The following NAV2 variants were observed in gnomAD, a reference collection of about 807,000 sequenced individuals.
The protein encoded by NAV2 is helicase, APC down-regulated 1.
Under a neutral mutation model 223.2 loss-of-function variants are expected in NAV2, and 54 were observed. The observed-to-expected ratio is 0.24, with a 90% CI of 0.19 to 0.30. The LOEUF (loss-of-function observed/expected upper bound fraction) is 0.30. Ranked by LOEUF, NAV2 falls within the 10% of genes least tolerant of loss-of-function variation. NAV2 has a pLI of 1.00. For synonymous variants in NAV2, 1,279 were observed against 1,239.3 expected (o/e 1.03, Z -0.67); for missense variants, 2,806 against 3,147.5 (o/e 0.89, Z 2.60).
intron 15 of NAV2, among the ~76,000 whole-genome samples, chr11:20,049,464 G>T (rs1480242091): frequency 6.6e-6 from 1 of 151,810 alleles, no homozygotes; most frequent in Non-Finnish European, 1.5e-5. Flanking sequence ...ATGGCATTCA[G>T]CTTTTGAAAT....
upstream of NAV2, among the ~76,000 whole-genome samples, chr11:19,350,519 G>A (rs550320722): frequency 1.1e-4 from 16 of 152,316 alleles, no homozygotes; most frequent in Admixed American, 1.0e-3. Flanking sequence ...GAGGGATGTG[G>A]ATGTTAGCAG....
exon 1 of NAV2, chr11:19,350,820 AG>A (rs1564868469): frequency 2.5e-6 from 2 of 800,624 alleles, no homozygotes; most frequent in Admixed American, 2.1e-5. Flanking sequence ...ACCTTTGAAG[AG>A]GTGGTGCTGA....
intron 1 of NAV2, among the ~76,000 whole-genome samples, chr11:19,595,652 T>C (rs1161527091): frequency 6.6e-6 from 1 of 151,596 alleles, no homozygotes; most frequent in Non-Finnish European, 1.5e-5. Context: ...CCACCCAAGC[T>C]CAAGTGATTC....
At chr11:19,438,967 T>A (rs1851305699) in intron 1 of NAV2, among the ~76,000 whole-genome samples, 1 of 152,054 alleles carries the variant, frequency 6.6e-6, no homozygotes, top group Non-Finnish European at 1.5e-5. Flanking sequence ...ATTAGCTCAA[T>A]CGCCAGCCCC....
chr11:19,986,662 A>G (rs1168816344), intron 11 of NAV2, among the ~76,000 whole-genome samples: 3 of 152,208 alleles, frequency 2.0e-5, no homozygotes, highest in African/African-American at 4.8e-5. Context: ...ATAACTGACA[A>G]AGTTTTAAAG....
rs113739584 is a variant in NAV2, at chr11:20,119,821, GA to G, written c.*1574del. 96 of 142,136 alleles carry G rather than the reference GA, an allele frequency of 6.8e-4. No homozygotes were observed. The highest frequency in any genetic ancestry group is 2.7e-3 in the South Asian group (12 of 4,524). 8.8% of individuals were successfully genotyped at this position (142,136 alleles called of 1,614,324 possible). A position where few individuals can be genotyped will look rare whatever the true frequency, so the allele number is the denominator to read the frequency against. Reference sequence around the variant, plus strand: ...TGTGGATGCGTGACCATGGGAAAAAGAAAAAAAAAAAGATCCATTTTTTAGG... The same window carrying G: ...TGTGGATGCGTGACCATGGGAAAAAGAAAAAAAAAAGATCCATTTTTTAGG... On this transcript the variant is annotated 3_prime_UTR_variant, in exon 38 of 38. Transcript: ENST00000349880.
At chr11:19,538,231 T>A (rs761435078) in intron 1 of NAV2, among the ~76,000 whole-genome samples, 11 of 152,176 alleles carry the variant, frequency 7.2e-5, no homozygotes, top group Admixed American at 2.6e-4. Context: ...ATCTCTAGAG[T>A]GGCCTGGCCC....
intron 1 of NAV2, among the ~76,000 whole-genome samples, chr11:19,669,644 G>T (rs1393724236): frequency 6.6e-6 from 1 of 152,244 alleles, no homozygotes; most frequent in African/African-American, 2.4e-5. Context: ...GATCCTGCTT[G>T]CAATGAAGCT....
intron 8 of NAV2, among the ~76,000 whole-genome samples, chr11:19,945,138 T>A (rs2046805314): frequency 6.7e-6 from 1 of 148,470 alleles, no homozygotes; most frequent in Admixed American, 6.8e-5. Flanking sequence ...TCTTTCTTTC[T>A]TCCTTTCTTT....
upstream of NAV2, chr11:19,711,959 G>C (rs1044803330): frequency 6.6e-6 from 1 of 152,250 alleles, no homozygotes; most frequent in Non-Finnish European, 1.5e-5. Context: ...AGGGTGGGAG[G>C]CTCCTCATTC....
intron 5 of NAV2, among the ~76,000 whole-genome samples, chr11:19,886,357 C>T (rs552255440): frequency 5.5e-4 from 84 of 152,282 alleles, no homozygotes; most frequent in African/African-American, 1.7e-3. Flanking sequence ...GGGGAGAAAC[C>T]GTATGGCAGT....
At chr11:19,456,783 T>A (rs1331801706) in intron 1 of NAV2, among the ~76,000 whole-genome samples, 1 of 152,234 alleles carries the variant, frequency 6.6e-6, no homozygotes, top group Non-Finnish European at 1.5e-5. Flanking sequence ...CCATTCTCGC[T>A]CTCCCTTTGG....
chr11:19,508,378 A>G (rs949126386), intron 1 of NAV2, among the ~76,000 whole-genome samples: 55 of 152,192 alleles, frequency 3.6e-4, no homozygotes, highest in Admixed American at 1.8e-3. Context: ...AAAGAAAAAC[A>G]AATAAGCATA....
intron 8 of NAV2, among the ~76,000 whole-genome samples, chr11:19,944,486 C>G (rs1258600974): frequency 6.8e-6 from 1 of 146,476 alleles, no homozygotes; most frequent in Non-Finnish European, 1.5e-5. Flanking sequence ...TTCTCCTTTC[C>G]CCTTTCCCCT....
chr11:20,062,968 C>T (rs1297370945), intron 20 of NAV2, among the ~76,000 whole-genome samples: 1 of 152,246 alleles, frequency 6.6e-6, no homozygotes, highest in South Asian at 2.1e-4. Flanking sequence ...GCTGGCATTA[C>T]AGGCGTGAGC....
chr11:19,812,850 T>C lies in NAV2; in HGVS notation c.268-19634T>C, dbSNP rs28657429. ...TGTCCACAATGAAAAAAGGCAATCT[T>C]AAGAGGAGACCAGAATTCAGTCCAG... On this transcript the variant is annotated intron_variant, in intron 1 of 37. Transcript: ENST00000349880. Among the ~76,000 whole-genome samples the C allele has an allele frequency of 5.1e-3, 772 of 151,732 alleles. 5 individuals are homozygous for C. The highest frequency in any genetic ancestry group is 6.9e-3 in the Non-Finnish European group (465 of 67,752).
At chr11:20,023,252 T>C in intron 11 of NAV2, 1 of 465,600 alleles carries the variant, frequency 2.1e-6, no homozygotes. Flanking sequence ...GCTGCCTAAA[T>C]CACTGTGAGC....
intron 3 of NAV2, among the ~76,000 whole-genome samples, chr11:19,856,733 G>A (rs981065280): frequency 5.9e-5 from 9 of 152,142 alleles, no homozygotes; most frequent in Middle Eastern, 3.2e-3. Context: ...AGAGAATAGC[G>A]GACCCATGGC....
At chr11:20,101,994 C>T (rs1335104960) in intron 32 of NAV2, among the ~76,000 whole-genome samples, 2 of 152,204 alleles carry the variant, frequency 1.3e-5, no homozygotes, top group South Asian at 2.1e-4. Flanking sequence ...CTAGACCTCA[C>T]TTCTTGATGA....
Sources: gnomAD v4.1 joint callset for allele counts (sites outside exome capture counted in the v4.1 genomes callset) on GRCh38, gnomAD v4.1.1 for gene constraint, MANE v1.5 for transcripts, NCBI Gene and HGNC (gene_info 2026-07-23, HGNC 2026-07-21) for gene names.